Variants in CHN1 observed in about 807,000 individuals in gnomAD.
CHN1 encodes the protein chimerin 1, also known as N-chimaerin.
Under a neutral mutation model 59.5 loss-of-function variants are expected in CHN1, and 37 were observed. The observed-to-expected ratio is 0.62, with a 90% CI of 0.48 to 0.82. The LOEUF is 0.82. Among genes scored for constraint, CHN1 ranks in the 40% least tolerant of loss-of-function variants. CHN1 has a pLI of 0.00. For missense variants in CHN1, 469 were observed against 571.0 expected, an observed-to-expected ratio of 0.82 and a Z score of 1.82; for synonymous variants, 206 against 200.4, an observed-to-expected ratio of 1.03 and a Z score of -0.24.
intron 6 of CHN1, among the ~76,000 whole-genome samples, chr2:174,857,604 T>C (rs370305623): frequency 3.3e-5 from 5 of 152,278 alleles, no homozygotes; most frequent in African/African-American, 7.2e-5. Flanking sequence ...GGAATGATGG[T>C]TGTATAACAA....
intron 1 of CHN1, among the ~76,000 whole-genome samples, chr2:174,993,231 A>C (rs752893667): frequency 1.3e-5 from 2 of 149,524 alleles, no homozygotes; most frequent in African/African-American, 2.5e-5. Context: ...GTAACTGTCC[A>C]TCCACCACCC....
chr2:174,952,179 CAGG>C lies in CHN1; in HGVS notation c.40_42del (p.Pro14del), dbSNP rs1574204707. 2 of 1,458,168 alleles carry C rather than the reference CAGG, an allele frequency of 1.4e-6. No individual in the cohort carries two copies. Among genetic ancestry groups the C allele is most frequent in the Non-Finnish European group, 1.8e-6 (2 of 1,101,962 alleles). The allele number at this position is 1,458,168 out of a possible 1,614,324, so 90.3% of individuals were successfully genotyped here. A position where few individuals can be genotyped will look rare whatever the true frequency, so the allele number is the denominator to read the frequency against. On this transcript the variant is annotated inframe_deletion, in exon 2 of 13. Transcript: ENST00000409900. ...GTAGACTTACAGTAAGATTTCCAAA[CAGG>C]AGGTCTATATTCATCTGTATCTGAA...
chr2:174,915,772 CAAAT>C (rs1423428439), intron 4 of CHN1, among the ~76,000 whole-genome samples: 4 of 152,096 alleles, frequency 2.6e-5, no homozygotes, highest in Non-Finnish European at 5.9e-5. Context: ...AAAATAAACA[CAAAT>C]AACATGCTCT....
At chr2:174,900,609 C>T (rs1688356836) in intron 5 of CHN1, among the ~76,000 whole-genome samples, 1 of 152,104 alleles carries the variant, frequency 6.6e-6, no homozygotes, top group South Asian at 2.1e-4. Context: ...AGTTCGAGAC[C>T]AACCTGGCCA....
intron 6 of CHN1, chr2:174,847,275 A>G: frequency 1.5e-6 from 2 of 1,377,530 alleles, no homozygotes; most frequent in Non-Finnish European, 9.3e-7. Flanking sequence ...GAGGTGGAGG[A>G]GGAGGATGAA....
At chr2:174,862,812 T>C (rs1252576055) in intron 6 of CHN1, among the ~76,000 whole-genome samples, 1 of 152,156 alleles carries the variant, frequency 6.6e-6, no homozygotes, top group Non-Finnish European at 1.5e-5. Flanking sequence ...TATTTCTGGG[T>C]TCCCTTTAGA....
chr2:174,830,658 A>C (rs1307544146), intron 7 of CHN1, among the ~76,000 whole-genome samples: 1 of 152,206 alleles, frequency 6.6e-6, no homozygotes, highest in Non-Finnish European at 1.5e-5. Context: ...GCACTTGCTG[A>C]AACATAGCTT....
At chr2:174,827,198 C>A (rs1479460284) in intron 7 of CHN1, among the ~76,000 whole-genome samples, 1 of 152,080 alleles carries the variant, frequency 6.6e-6, no homozygotes, top group African/African-American at 2.4e-5. Context: ...ATTACTGTAG[C>A]CTTTGAGTCT....
At chr2:174,924,105 TCAAA>T (rs1274403488) in intron 3 of CHN1, among the ~76,000 whole-genome samples, 1 of 152,114 alleles carries the variant, frequency 6.6e-6, no homozygotes, top group Non-Finnish European at 1.5e-5. Context: ...TTTAGAAACA[TCAAA>T]CATAGACACT....
chr2:174,953,956 T>C (rs973296928), intron 1 of CHN1, among the ~76,000 whole-genome samples: 3 of 152,100 alleles, frequency 2.0e-5, no homozygotes, highest in Non-Finnish European at 4.4e-5. Context: ...AAAATTCATA[T>C]GGAACCAAAA....
chr2:174,855,761 T>C (rs756904567), intron 6 of CHN1, among the ~76,000 whole-genome samples: 1 of 152,166 alleles, frequency 6.6e-6, no homozygotes, highest in South Asian at 2.1e-4. Context: ...ATGAGAATTG[T>C]ATACTTAGAC....
At chr2:174,931,515 A>T (rs181895963) in intron 3 of CHN1, among the ~76,000 whole-genome samples, 1 of 152,362 alleles carries the variant, frequency 6.6e-6, no homozygotes. Context: ...GTCTTTATTA[A>T]GCACCTACTA....
At position 174,845,273 on chromosome 2, in the gene CHN1, T is replaced by G. The variant is rs371258336; in HGVS notation, c.627+1607A>C. ...ACAAATCAGAGTACATCTTTGGAGA[T>G]ATATTTAAGATCTCAGCTATTTCTA... On this transcript the variant is annotated intron_variant, in intron 7 of 12. Transcript: ENST00000409900. Among the ~76,000 whole-genome samples the G allele has an allele frequency of 3.1e-4, 47 of 152,264 alleles. 1 individual carries two copies. Among genetic ancestry groups the G allele is most frequent in the African/African-American group, 1.1e-3 (45 of 41,588 alleles).
At chr2:174,996,866 G>A in intron 1 of CHN1, among the ~76,000 whole-genome samples, 1 of 152,072 alleles carries the variant, frequency 6.6e-6, no homozygotes, top group Non-Finnish European at 1.5e-5. Context: ...CCTGCTCCAT[G>A]AGGCAATTTC....
intron 1 of CHN1, among the ~76,000 whole-genome samples, chr2:174,982,802 T>C (rs1691201192): frequency 1.3e-5 from 2 of 152,242 alleles, no homozygotes; most frequent in Non-Finnish European, 2.9e-5. Flanking sequence ...TAAACAGTTA[T>C]ATATCAAGAA....
chr2:174,815,233 TG>T (rs1273609515), intron 8 of CHN1, among the ~76,000 whole-genome samples: 3 of 152,024 alleles, frequency 2.0e-5, no homozygotes, highest in African/African-American at 7.3e-5. Flanking sequence ...TAAAAATTGG[TG>T]GTTGTGGTGG....
At chr2:174,865,798 A>G (rs1687199326) in intron 6 of CHN1, among the ~76,000 whole-genome samples, 1 of 152,206 alleles carries the variant, frequency 6.6e-6, no homozygotes, top group Admixed American at 6.5e-5. Flanking sequence ...ACCTCTTGGA[A>G]TAAGTTGTCA....
intron 2 of CHN1, 118 bp downstream of exon 2, chr2:174,952,046 G>A (rs368435455): frequency 1.3e-5 from 8 of 624,256 alleles, no homozygotes; most frequent in Non-Finnish European, 2.0e-5. Context: ...CCCAAACCTT[G>A]TTTAAATTAA....
At chr2:174,864,794 T>C (rs1687167372) in intron 6 of CHN1, among the ~76,000 whole-genome samples, 1 of 152,026 alleles carries the variant, frequency 6.6e-6, no homozygotes, top group African/African-American at 2.4e-5. Context: ...GTCCAGGAGT[T>C]ATTGAGGCTA....
Sources: allele counts gnomAD v4.1 joint callset (sites outside exome capture counted in the v4.1 genomes callset), GRCh38; gene constraint gnomAD v4.1.1; transcripts MANE v1.5; gene names NCBI Gene and HGNC (gene_info 2026-07-23, HGNC 2026-07-21).